The following AMZ1 variants were observed in gnomAD, a reference collection of about 807,000 sequenced individuals.
The protein encoded by AMZ1 is archaelysin family metallopeptidase 1.
AMZ1 carries 39 observed loss-of-function variants against 29.9 expected under a neutral mutation model. The observed-to-expected ratio is 1.30, with a 90% confidence interval of 1.01 to 1.70. The LOEUF (loss-of-function observed/expected upper bound fraction) is 1.70, where lower values mean the gene tolerates loss of function less well. Among genes scored for constraint, AMZ1 ranks in the 40% most tolerant of loss-of-function variants. The pLI is 0.00. For missense variants in AMZ1, 1,041 were observed against 680.6 expected, an observed-to-expected ratio of 1.53 and a Z score of -5.89; for synonymous variants, 458 against 304.0, an observed-to-expected ratio of 1.51 and a Z score of -5.27.
At chr7:2,694,679 TA>T (rs1300125347) in intron 1 of AMZ1, among the ~76,000 whole-genome samples, 2 of 150,244 alleles carry the variant, frequency 1.3e-5, no homozygotes, top group Non-Finnish European at 3.0e-5. Flanking sequence ...ATATTTTATT[TA>T]TTTTTTTTTT....
At chr7:2,690,564 C>A (rs1787326139) in intron 1 of AMZ1, among the ~76,000 whole-genome samples, 1 of 152,128 alleles carries the variant, frequency 6.6e-6, no homozygotes, top group Non-Finnish European at 1.5e-5. Flanking sequence ...CCGGGCGGCT[C>A]AGGTTGGCTG....
chr7:2,680,829 G>A (rs1786855600), intron 1 of AMZ1, among the ~76,000 whole-genome samples: 2 of 152,232 alleles, frequency 1.3e-5, no homozygotes, highest in African/African-American at 2.4e-5. Flanking sequence ...CCTCCCTGAC[G>A]ACCCTGCTGG....
chr7:2,735,041 C>CG (rs1554254482), intron 4 of AMZ1, among the ~76,000 whole-genome samples: 1 of 152,196 alleles, frequency 6.6e-6, no homozygotes, highest in Non-Finnish European at 1.5e-5. Context: ...CAAGTCCCCC[C>CG]GGTCCTCTGC....
intron 2 of AMZ1, 22 bp downstream of exon 2, chr7:2,700,777 C>T (rs375951352): frequency 1.5e-5 from 24 of 1,605,806 alleles, no homozygotes; most frequent in South Asian, 4.4e-5. Flanking sequence ...CTGCAGCCAT[C>T]GGCACGCTCC....
intron 1 of AMZ1, among the ~76,000 whole-genome samples, chr7:2,695,867 G>A (rs367757163): frequency 5.3e-5 from 8 of 151,892 alleles, no homozygotes; most frequent in East Asian, 1.9e-4. Flanking sequence ...AAAATTAGCC[G>A]GGCGTGGTGG....
At chr7:2,741,218 C>T (rs1244494799) in intron 4 of AMZ1, among the ~76,000 whole-genome samples, 3 of 152,042 alleles carry the variant, frequency 2.0e-5, no homozygotes, top group Non-Finnish European at 2.9e-5. Context: ...CTAGGTGTGG[C>T]GGCACGCACA....
chr7:2,723,820 A>T (rs1204522974), downstream of AMZ1, among the ~76,000 whole-genome samples: 6 of 152,202 alleles, frequency 3.9e-5, no homozygotes, highest in Admixed American at 3.3e-4. Context: ...CTGGGCCTGG[A>T]GGACTTTACA....
intron 4 of AMZ1, among the ~76,000 whole-genome samples, chr7:2,756,796 T>TAAC (rs1791320194): frequency 6.6e-6 from 1 of 151,950 alleles, no homozygotes; most frequent in Admixed American, 6.6e-5. Context: ...TTTAAGTTAG[T>TAAC]CAAAGAGGAG....
chr7:2,706,846 A>G (rs549958954), intron 3 of AMZ1, among the ~76,000 whole-genome samples: 1 of 152,094 alleles, frequency 6.6e-6, no homozygotes, highest in African/African-American at 2.4e-5. Context: ...TCACCTCATT[A>G]GCATCATTGT....
At position 2,731,208 on chromosome 7, in the gene AMZ1, C is replaced by T. The variant is rs762806711; in HGVS notation, n.550+21392C>T. 1.9e-6 allele frequency: 3 copies of T among 1,612,068 alleles called. No homozygotes were observed. Among genetic ancestry groups the T allele is most frequent in the Admixed American group, 1.7e-5 (1 of 59,936 alleles). ...ACTGCAGCATGATGTCCTTCAGGTT[C>T]TCCTGCAGGATGGTGTCTTTCACAG... is the stretch of plus-strand genomic sequence containing the variant. On this transcript the variant is annotated intron_variant and non_coding_transcript_variant, in intron 4 of 4. Coordinates refer to the AMZ1 transcript ENST00000489665. This position sits in a 1 kb window ranked among gnomAD's most constrained non-coding sequence, Gnocchi z 6.0.
intron 4 of AMZ1, among the ~76,000 whole-genome samples, chr7:2,735,334 C>A (rs922765037): frequency 3.3e-5 from 5 of 152,186 alleles, no homozygotes; most frequent in African/African-American, 7.2e-5. Context: ...GTGGTGGCAC[C>A]AGGCACGAAG....
At chr7:2,684,124 G>A (rs1260452647), upstream of AMZ1, among the ~76,000 whole-genome samples, 2 of 151,964 alleles carry the variant, frequency 1.3e-5, no homozygotes, top group African/African-American at 4.8e-5. Context: ...GTTGCAGTGA[G>A]CCAAGATCAC....
intron 4 of AMZ1, chr7:2,733,551 G>A: frequency 6.9e-7 from 1 of 1,442,402 alleles, no homozygotes; most frequent in Non-Finnish European, 9.7e-7. Flanking sequence ...GAGGAATCCT[G>A]ATGTGGCAAA....
In AMZ1 at chr7:2,709,700, C is replaced by G; in HGVS notation, c.832C>G (p.Leu278Val). Residue 278 changes from leucine (L) to valine (V), a missense_variant, in exon 6 of 7, where the codon CTC becomes GTC. Physicochemically the swap from Leu to Val is conservative, Grantham distance 32. Coordinates refer to ENST00000683327, the MANE Select transcript of AMZ1 (RefSeq NM_001384743.1). ...GGGGAACTGCCGCTGGCTCCGCTGC[C>G]TCATGCAGGGTGCGCTCAGCCTGGA... The part of the protein sequence containing the change: ...GLGNCRWLRC[L>V]MQGALSLDEA... 1.2e-6 allele frequency: 2 copies of G among 1,611,126 alleles called. No homozygotes were observed. Among genetic ancestry groups the G allele is most frequent in the Non-Finnish European group, 1.7e-6 (2 of 1,179,858 alleles).
chr7:2,699,802 A>AG (rs1787947432), intron 1 of AMZ1, among the ~76,000 whole-genome samples: 1 of 152,144 alleles, frequency 6.6e-6, no homozygotes, highest in South Asian at 2.1e-4. Flanking sequence ...CTAGCTCTGC[A>AG]GGGAGGGGAG....
downstream of AMZ1, among the ~76,000 whole-genome samples, chr7:2,721,324 T>C (rs1789411512): frequency 1.3e-5 from 2 of 152,336 alleles, no homozygotes; most frequent in East Asian, 3.9e-4. Flanking sequence ...AGGAGGCCTC[T>C]GCTTCGGGAA....
At position 2,709,759 on chromosome 7, in the gene AMZ1, C is replaced by T. The variant is rs771913754; in HGVS notation, c.891C>T (p.Pro297=). Residue 297 remains proline (P), a synonymous_variant, in exon 6 of 7, where the codon CCC becomes CCT. Coordinates refer to ENST00000683327, the MANE Select transcript of AMZ1 (RefSeq NM_001384743.1). ...EALRRPLDLC[P]ICLRKLQHVL... is the part of the protein sequence containing the mutation. ...TGCGGCGGCCCCTGGACCTCTGTCC[C>T]ATCTGCCTGAGGAAGCTGCAGCATG... 24 of 1,611,796 alleles carry T rather than the reference C, an allele frequency of 1.5e-5. No individual in the cohort carries two copies. In the East Asian group the frequency reaches 3.8e-4, roughly 25 times the overall value.
chr7:2,747,901 C>T (rs990982163), intron 4 of AMZ1, among the ~76,000 whole-genome samples: 5 of 151,944 alleles, frequency 3.3e-5, no homozygotes, highest in African/African-American at 9.7e-5. Flanking sequence ...AGTGAACTCC[C>T]ATTCACAATT....
In AMZ1 at chr7:2,714,021, C is replaced by CT. The variant is rs1388261138; in HGVS notation, c.*1146dup. 1 of 152,178 alleles carries CT rather than the reference C, an allele frequency of 6.6e-6. No homozygotes were observed. Among genetic ancestry groups the CT allele is most frequent in the East Asian group, 1.9e-4 (1 of 5,194 alleles). 9.4% of individuals were successfully genotyped at this position (152,178 alleles called of 1,614,324 possible). A position where few individuals can be genotyped will look rare whatever the true frequency, so the allele number is the denominator to read the frequency against. ...GTTTTGCCGGATTTTGCTTCCTGCACTTTGAAGCTCCTTTACGTCCCTGCA... is the reference window on the plus strand; with the variant it reads ...GTTTTGCCGGATTTTGCTTCCTGCACTTTTGAAGCTCCTTTACGTCCCTGCA... On this transcript the variant is annotated 3_prime_UTR_variant, in exon 7 of 7. Coordinates refer to ENST00000683327, the MANE Select transcript of AMZ1 (RefSeq NM_001384743.1).
Sources: allele counts gnomAD v4.1 joint callset (sites outside exome capture counted in the v4.1 genomes callset), GRCh38; gene constraint gnomAD v4.1.1; non-coding constraint Gnocchi (gnomAD v3.1); transcripts MANE v1.5; gene names NCBI Gene and HGNC (gene_info 2026-07-23, HGNC 2026-07-21).